The following NUBPL variants were observed in gnomAD, a reference collection of about 807,000 sequenced individuals.
NUBPL encodes NUBP iron-sulfur cluster assembly factor, mitochondrial.
A neutral mutation model predicts 45.7 loss-of-function variants in NUBPL; 31 were observed. The ratio of observed to expected loss-of-function variants is 0.68; its 90% CI spans 0.51 to 0.92. The LOEUF (loss-of-function observed/expected upper bound fraction) is 0.92, where lower values mean the gene tolerates loss of function less well. Ranked by LOEUF, NUBPL falls within the 40% of genes least tolerant of loss-of-function variation. The probability of loss-of-function intolerance (pLI) is 0.00; values close to 1 mark genes in which losing one functional copy is unlikely to be tolerated. For synonymous variants in NUBPL, 144 were observed against 140.9 expected, an observed-to-expected ratio of 1.02 and a Z score of -0.15; for missense variants, 401 against 398.7, an observed-to-expected ratio of 1.01 and a Z score of -0.05.
intron 8 of NUBPL, 84 bp downstream of exon 8, chr14:31,826,798 T>G: frequency 7.6e-7 from 1 of 1,314,528 alleles, no homozygotes; most frequent in Non-Finnish European, 1.1e-6. Flanking sequence ...GTTGAAGTTT[T>G]AATTTAGTCC....
At chr14:31,676,319 G>A (rs997474149) in intron 6 of NUBPL, among the ~76,000 whole-genome samples, 2 of 151,878 alleles carry the variant, frequency 1.3e-5, no homozygotes, top group Non-Finnish European at 2.9e-5. Flanking sequence ...CACTGCAACC[G>A]TCCAGGATGT....
At chr14:31,613,186 C>G (rs186626193) in intron 4 of NUBPL, among the ~76,000 whole-genome samples, 6 of 152,222 alleles carry the variant, frequency 3.9e-5, no homozygotes, top group Non-Finnish European at 8.8e-5. Context: ...TGAAATAAGC[C>G]AGGCACAGAA....
At chr14:31,825,591 T>C (rs1360247104) in intron 7 of NUBPL, among the ~76,000 whole-genome samples, 2 of 150,496 alleles carry the variant, frequency 1.3e-5, no homozygotes, top group African/African-American at 4.9e-5. Flanking sequence ...ACCTCCTCCT[T>C]CTCCTCCTCC....
chr14:31,778,437 C>G (rs184767988), intron 6 of NUBPL, among the ~76,000 whole-genome samples: 16 of 152,298 alleles, frequency 1.1e-4, no homozygotes, highest in Admixed American at 1.0e-3. Context: ...GGGCCTAGGG[C>G]CAAGGCAGGC....
chr14:31,765,318 T>C (rs1351098499), intron 6 of NUBPL, among the ~76,000 whole-genome samples: 1 of 152,244 alleles, frequency 6.6e-6, no homozygotes, highest in East Asian at 1.9e-4. Flanking sequence ...AAAAGATATT[T>C]TTAAAATTAC....
intron 4 of NUBPL, among the ~76,000 whole-genome samples, chr14:31,624,235 C>T (rs182343679): frequency 6.6e-6 from 1 of 152,074 alleles, no homozygotes; most frequent in Admixed American, 6.5e-5. Flanking sequence ...TCTGAATGGC[C>T]CTTGATTTTC....
intron 6 of NUBPL, among the ~76,000 whole-genome samples, chr14:31,757,431 A>T (rs1363314729): frequency 1.3e-5 from 2 of 151,508 alleles, no homozygotes; most frequent in East Asian, 3.9e-4. Flanking sequence ...TAGTCTTGGG[A>T]GGGTGTATAT....
intron 4 of NUBPL, among the ~76,000 whole-genome samples, chr14:31,628,532 A>G (rs13313398): frequency 0.15 from 23,062 of 152,184 alleles, 1,867 homozygotes; most frequent in African/African-American, 0.17. Context: ...GAAAGTTTTA[A>G]TTTTGTCATA....
rs558624599 is a variant in NUBPL, at chr14:31,791,906, G to A, written c.607+4033G>A. Among the ~76,000 whole-genome samples the A allele has an allele frequency of 6.8e-4, 104 of 152,068 alleles. 1 individual carries two copies. The highest frequency in any genetic ancestry group is 1.2e-3 in the Non-Finnish European group (80 of 68,016). ...AGATTTCTGTATGAAATGGTACCGC[G>A]GCGATTGCCTGTTAATAATAAACTG... On this transcript the variant is annotated intron_variant, in intron 7 of 10. Coordinates refer to ENST00000281081, the MANE Select transcript of NUBPL (RefSeq NM_025152.3).
intron 6 of NUBPL, among the ~76,000 whole-genome samples, chr14:31,724,249 A>G (rs1469049278): frequency 6.6e-6 from 1 of 152,224 alleles, no homozygotes; most frequent in Non-Finnish European, 1.5e-5. Context: ...TGAAGAAGGA[A>G]ATTATAATGC....
chr14:31,594,556 A>AT (rs67341071), intron 3 of NUBPL, among the ~76,000 whole-genome samples: 44,068 of 149,916 alleles, frequency 0.29, 7,227 homozygotes, highest in South Asian at 0.41. Context: ...TAGCCAGGTG[A>AT]TTTTTTTTTT....
Position 31,673,999 on chromosome 14 carries a change from A to G in NUBPL, c.513+425A>G, listed in dbSNP as rs556565578. Among the ~76,000 whole-genome samples, 21 of 152,374 alleles carry G rather than the reference A, an allele frequency of 1.4e-4. 1 individual carries two copies. The South Asian group carries it at 4.1e-3, about 30-fold the overall frequency. ...CTTGTGATTTAAAATTGCTCCAGAA[A>G]AAAGTAAAATTTTGTTTTGAGTATA... On this transcript the variant is annotated intron_variant, in intron 6 of 10. Coordinates refer to ENST00000281081, the MANE Select transcript of NUBPL (RefSeq NM_025152.3).
At chr14:31,729,864 A>T (rs1277710267) in intron 6 of NUBPL, among the ~76,000 whole-genome samples, 2 of 152,158 alleles carry the variant, frequency 1.3e-5, no homozygotes, top group African/African-American at 4.8e-5. Context: ...TTATTGCATT[A>T]TCTAGCATCA....
intron 7 of NUBPL, among the ~76,000 whole-genome samples, chr14:31,798,750 C>T (rs2039520166): frequency 7.5e-6 from 1 of 133,548 alleles, no homozygotes; most frequent in Non-Finnish European, 1.5e-5. Context: ...GGAGATCATG[C>T]CACTGCACTC....
chr14:31,660,927 G>A, intron 4 of NUBPL, among the ~76,000 whole-genome samples: 1 of 152,190 alleles, frequency 6.6e-6, no homozygotes, highest in Non-Finnish European at 1.5e-5. Flanking sequence ...CCTGGAACAT[G>A]TAAAGATGTC....
intron 7 of NUBPL, among the ~76,000 whole-genome samples, chr14:31,789,904 C>CTT (rs1246008392): frequency 1.5e-5 from 2 of 134,340 alleles, no homozygotes; most frequent in African/African-American, 2.7e-5. Context: ...TGTGATTTTT[C>CTT]TTTTTTTTTT....
intron 6 of NUBPL, among the ~76,000 whole-genome samples, chr14:31,761,465 G>A (rs1253627085): frequency 1.3e-5 from 2 of 152,138 alleles, no homozygotes; most frequent in Admixed American, 6.5e-5. Context: ...AAGAGTGAAG[G>A]CGTCCCACCC....
chr14:31,701,823 A>T (rs559944922), intron 6 of NUBPL, among the ~76,000 whole-genome samples: 30 of 152,240 alleles, frequency 2.0e-4, no homozygotes, highest in Non-Finnish European at 3.7e-4. Flanking sequence ...AGTGAGACCG[A>T]GAACCCACCA....
chr14:31,787,553 T>A (rs1481888701), intron 6 of NUBPL, among the ~76,000 whole-genome samples: 2 of 152,198 alleles, frequency 1.3e-5, no homozygotes, highest in African/African-American at 2.4e-5. Context: ...TGTATGCGGA[T>A]GAGTCATCTG....
Sources: allele counts gnomAD v4.1 joint callset (sites outside exome capture counted in the v4.1 genomes callset), GRCh38; gene constraint gnomAD v4.1.1; transcripts MANE v1.5; gene names NCBI Gene and HGNC (gene_info 2026-07-23, HGNC 2026-07-21).